The following RPS6KC1 variants were observed in gnomAD, a reference collection of about 807,000 sequenced individuals.
RPS6KC1 encodes the protein inactive ribosomal protein S6 kinase delta-1.
Under a neutral mutation model 103.8 loss-of-function variants are expected in RPS6KC1, and 54 were observed. The ratio of observed to expected loss-of-function variants is 0.52; its 90% confidence interval spans 0.42 to 0.65. RPS6KC1 has a LOEUF of 0.65. RPS6KC1 is among the 30% of genes least tolerant of loss of function. The pLI is 0.00. For missense variants in RPS6KC1, 1,151 were observed against 1,253.8 expected, an observed-to-expected ratio of 0.92 and a Z score of 1.24; for synonymous variants, 439 against 438.7, an observed-to-expected ratio of 1.00 and a Z score of -0.01.
At chr1:213,599,164 T>C in the RPS6KC1 span, among the ~76,000 whole-genome samples, 1 of 152,234 alleles carries the variant, frequency 6.6e-6, no homozygotes, top group African/African-American at 2.4e-5. Context: ...TTGTGTGTTC[T>C]TGTTTTTGGA....
the RPS6KC1 span, among the ~76,000 whole-genome samples, chr1:213,700,489 TTTTG>T: frequency 6.6e-6 from 1 of 152,026 alleles, no homozygotes; most frequent in African/African-American, 2.4e-5. Flanking sequence ...CCTACACGTT[TTTTG>T]TTTGTTTGTT....
chr1:213,420,834 C>A, the RPS6KC1 span, among the ~76,000 whole-genome samples: 4 of 152,160 alleles, frequency 2.6e-5, no homozygotes, highest in African/African-American at 7.2e-5. Context: ...GGCAGGGCCA[C>A]GCTCCCTCTG....
chr1:213,461,877 A>G, the RPS6KC1 span, among the ~76,000 whole-genome samples: 1 of 152,246 alleles, frequency 6.6e-6, no homozygotes, highest in East Asian at 1.9e-4. Context: ...CTTCATGACT[A>G]AAACACCAAA....
chr1:213,382,293 C>T, the RPS6KC1 span, among the ~76,000 whole-genome samples: 34 of 152,278 alleles, frequency 2.2e-4, no homozygotes, highest in African/African-American at 8.2e-4. Flanking sequence ...AGATAAGGGG[C>T]TAATGATCCC....
intron 8 of RPS6KC1, among the ~76,000 whole-genome samples, chr1:213,218,982 C>T (rs2093747532): frequency 1.3e-5 from 2 of 152,176 alleles, no homozygotes; most frequent in Non-Finnish European, 2.9e-5. Flanking sequence ...ACACCAAAAG[C>T]AATGGCAACA....
chr1:213,188,680 G>A (rs1487001430), intron 8 of RPS6KC1, among the ~76,000 whole-genome samples: 2 of 152,172 alleles, frequency 1.3e-5, no homozygotes, highest in East Asian at 3.9e-4. Flanking sequence ...AGACATAGGA[G>A]CTTTTATGCT....
chr1:213,817,480 C>A, the RPS6KC1 span, among the ~76,000 whole-genome samples: 1 of 152,236 alleles, frequency 6.6e-6, no homozygotes, highest in Non-Finnish European at 1.5e-5. Context: ...TATTTCCCTT[C>A]CTAATTGAAT....
chr1:213,287,112 T>C, the RPS6KC1 span, among the ~76,000 whole-genome samples: 1 of 152,274 alleles, frequency 6.6e-6, no homozygotes, highest in Non-Finnish European at 1.5e-5. Flanking sequence ...CACATTTGGG[T>C]GATAAAATGA....
chr1:213,501,790 A>C, the RPS6KC1 span, among the ~76,000 whole-genome samples: 2 of 152,198 alleles, frequency 1.3e-5, no homozygotes, highest in African/African-American at 4.8e-5. Flanking sequence ...ATAAATTTAC[A>C]AAAACTGCAT....
intron 7 of RPS6KC1, among the ~76,000 whole-genome samples, chr1:213,174,082 C>T (rs987243225): frequency 6.6e-6 from 1 of 152,174 alleles, no homozygotes; most frequent in African/African-American, 2.4e-5. Context: ...CCTTAGCATT[C>T]CTTTTGCCAA....
chr1:213,667,607 G>A, the RPS6KC1 span, among the ~76,000 whole-genome samples: 1 of 152,228 alleles, frequency 6.6e-6, no homozygotes, highest in Non-Finnish European at 1.5e-5. Flanking sequence ...GGTTAGGGTG[G>A]CTGTAGCAAT....
chr1:213,278,090 A>G (rs936071225), downstream of RPS6KC1, among the ~76,000 whole-genome samples: 1 of 152,088 alleles, frequency 6.6e-6, no homozygotes, highest in Admixed American at 6.6e-5. Context: ...CTATAGTCCC[A>G]GCTACTTGGG....
the RPS6KC1 span, among the ~76,000 whole-genome samples, chr1:213,683,421 C>T: frequency 3.3e-5 from 5 of 152,118 alleles, no homozygotes; most frequent in Non-Finnish European, 5.9e-5. Flanking sequence ...ACCTACCAAC[C>T]CTCTGTTATG....
At chr1:213,084,011 A>G (rs534093163) in intron 3 of RPS6KC1, among the ~76,000 whole-genome samples, 36 of 152,128 alleles carry the variant, frequency 2.4e-4, no homozygotes, top group Non-Finnish European at 3.8e-4. Flanking sequence ...AAACTTACAG[A>G]AAGTTGCAAG....
At chr1:213,189,816 C>T (rs889950402) in intron 8 of RPS6KC1, among the ~76,000 whole-genome samples, 20 of 152,184 alleles carry the variant, frequency 1.3e-4, no homozygotes, top group African/African-American at 4.8e-4. Context: ...TCCTTTCCAG[C>T]CTCTGGTAAC....
At chr1:213,174,482 C>A (rs572340718) in intron 7 of RPS6KC1, among the ~76,000 whole-genome samples, 1 of 151,986 alleles carries the variant, frequency 6.6e-6, no homozygotes, top group Admixed American at 6.6e-5. Context: ...CCAGCCTCGC[C>A]AACATGATGA....
intron 8 of RPS6KC1, among the ~76,000 whole-genome samples, chr1:213,192,495 T>C (rs980697485): frequency 6.6e-6 from 1 of 152,198 alleles, no homozygotes; most frequent in African/African-American, 2.4e-5. Flanking sequence ...AGTGAAGCCA[T>C]TGGGACCTGG....
the RPS6KC1 span, among the ~76,000 whole-genome samples, chr1:213,723,820 G>A: frequency 6.6e-6 from 1 of 152,108 alleles, no homozygotes; most frequent in Non-Finnish European, 1.5e-5. Flanking sequence ...CCACATCTCT[G>A]TGGAGGTGAT....
chr1:213,640,532 AG>A, the RPS6KC1 span, among the ~76,000 whole-genome samples: 1 of 151,546 alleles, frequency 6.6e-6, no homozygotes, highest in East Asian at 1.9e-4. Flanking sequence ...AATACCATAT[AG>A]GCATTGTAGT....
Sources: gnomAD v4.1 joint callset for allele counts (sites outside exome capture counted in the v4.1 genomes callset) on GRCh38, gnomAD v4.1.1 for gene constraint, MANE v1.5 for transcripts, NCBI Gene and HGNC (gene_info 2026-07-23, HGNC 2026-07-21) for gene names.